The following ZBTB20 variants were observed in gnomAD, a reference collection of about 807,000 sequenced individuals.
ZBTB20 encodes the protein zinc finger and BTB domain containing 20, also known as zinc finger and BTB domain-containing protein 20.
Under a neutral mutation model 56.9 loss-of-function variants are expected in ZBTB20, and 9 were observed. That is an observed-to-expected ratio of 0.16 (90% confidence interval 0.10 to 0.28). The LOEUF (loss-of-function observed/expected upper bound fraction) is 0.28. Among genes scored for constraint, ZBTB20 ranks in the 10% least tolerant of loss-of-function variants. The pLI, the probability that ZBTB20 is intolerant of heterozygous loss-of-function variation, is 1.00. For missense variants in ZBTB20, 655 were observed against 1,003.0 expected (o/e 0.65, Z 4.69); for synonymous variants, 417 against 420.7 (o/e 0.99, Z 0.11).
chr3:115,110,139 G>A (rs1376234610), intron 1 of ZBTB20, among the ~76,000 whole-genome samples: 1 of 152,020 alleles, frequency 6.6e-6, no homozygotes, highest in Non-Finnish European at 1.5e-5. Flanking sequence ...TTGAACCCGG[G>A]AGGCGGAGGT....
At chr3:114,506,065 C>A (rs1222861370) in intron 6 of ZBTB20, among the ~76,000 whole-genome samples, 1 of 152,060 alleles carries the variant, frequency 6.6e-6, no homozygotes, top group African/African-American at 2.4e-5. Context: ...AGGACAGATT[C>A]TTGATGTATT....
chr3:115,093,984 A>G (rs2083290793), intron 1 of ZBTB20, among the ~76,000 whole-genome samples: 1 of 152,102 alleles, frequency 6.6e-6, no homozygotes, highest in Admixed American at 6.6e-5. Flanking sequence ...TTCTAAGTTT[A>G]GAAGCTTCAA....
intron 1 of ZBTB20, among the ~76,000 whole-genome samples, chr3:115,114,516 C>T (rs529721999): frequency 1.3e-5 from 2 of 151,998 alleles, no homozygotes; most frequent in African/African-American, 4.8e-5. Context: ...AGAGGTGTAG[C>T]GTTTTATTTT....
At chr3:114,455,347 G>A (rs1487337232) in intron 7 of ZBTB20, among the ~76,000 whole-genome samples, 2 of 152,194 alleles carry the variant, frequency 1.3e-5, no homozygotes, top group East Asian at 3.9e-4. Context: ...AATACTGCTC[G>A]TACTGACAAA....
intron 6 of ZBTB20, among the ~76,000 whole-genome samples, chr3:114,502,388 C>T (rs2044095302): frequency 6.6e-6 from 1 of 152,144 alleles, no homozygotes; most frequent in South Asian, 2.1e-4. Context: ...AATGATTTCC[C>T]TTTGTGGTCA....
At chr3:114,789,313 A>G (rs1313764834) in intron 5 of ZBTB20, among the ~76,000 whole-genome samples, 1 of 152,168 alleles carries the variant, frequency 6.6e-6, no homozygotes, top group Non-Finnish European at 1.5e-5. Context: ...CACTATCCAG[A>G]AAAATGGTTT....
chr3:114,369,225 C>T (rs2082733551), intron 10 of ZBTB20, among the ~76,000 whole-genome samples: 1 of 152,160 alleles, frequency 6.6e-6, no homozygotes, highest in Non-Finnish European at 1.5e-5. Context: ...TTGTAGTATT[C>T]TACATGCCAC....
At chr3:114,954,186 A>G (rs1158556745) in intron 3 of ZBTB20, among the ~76,000 whole-genome samples, 1 of 152,150 alleles carries the variant, frequency 6.6e-6, no homozygotes. Context: ...GTTAAGCTGA[A>G]TATTTGCTTT....
chr3:114,944,190 C>A (rs540706234), intron 3 of ZBTB20, among the ~76,000 whole-genome samples: 1 of 145,454 alleles, frequency 6.9e-6, no homozygotes, highest in Non-Finnish European at 1.5e-5. Context: ...ACACATTTCT[C>A]AGAAGAAGAC....
intron 5 of ZBTB20, among the ~76,000 whole-genome samples, chr3:114,745,752 A>G (rs145465753): frequency 6.6e-6 from 1 of 152,336 alleles, no homozygotes; most frequent in Non-Finnish European, 1.5e-5. Context: ...GAATAGGAAA[A>G]TGGAGAGAGA....
chr3:114,834,833 G>A (rs2074041119), intron 4 of ZBTB20, among the ~76,000 whole-genome samples: 2 of 151,988 alleles, frequency 1.3e-5, no homozygotes, highest in Admixed American at 6.6e-5. Flanking sequence ...TGAAAAGAAA[G>A]CCTGGATTTT....
intron 2 of ZBTB20, among the ~76,000 whole-genome samples, chr3:115,041,222 A>G (rs2081129597): frequency 6.6e-6 from 1 of 152,140 alleles, no homozygotes; most frequent in South Asian, 2.1e-4. Flanking sequence ...AAACTTCATA[A>G]AGTCATGTTA....
At chr3:115,075,694 A>G (rs2082570370) in intron 1 of ZBTB20, among the ~76,000 whole-genome samples, 1 of 152,200 alleles carries the variant, frequency 6.6e-6, no homozygotes, top group Non-Finnish European at 1.5e-5. Context: ...GAAAAAACTG[A>G]AAGCTATTCC....
intron 10 of ZBTB20, among the ~76,000 whole-genome samples, chr3:114,359,776 T>C (rs2081615624): frequency 6.6e-6 from 1 of 152,250 alleles, no homozygotes; most frequent in Middle Eastern, 3.2e-3. Flanking sequence ...AGGATCTGTA[T>C]ATTCAATTGT....
intron 4 of ZBTB20, among the ~76,000 whole-genome samples, chr3:114,865,739 G>C (rs1008130128): frequency 6.6e-6 from 1 of 152,080 alleles, no homozygotes; most frequent in African/African-American, 2.4e-5. Context: ...ATAACAACCA[G>C]TATAATTTGA....
intron 6 of ZBTB20, among the ~76,000 whole-genome samples, chr3:114,573,690 A>T (rs2053697291): frequency 6.6e-6 from 1 of 152,076 alleles, no homozygotes; most frequent in Non-Finnish European, 1.5e-5. Flanking sequence ...AGAAAAAGAA[A>T]TTATGAAATA....
chr3:115,131,717 T>C (rs1443213104), intron 1 of ZBTB20, among the ~76,000 whole-genome samples: 1 of 152,208 alleles, frequency 6.6e-6, no homozygotes, highest in Non-Finnish European at 1.5e-5. Context: ...CAAGACTGCA[T>C]TTTATAACAG....
chr3:114,707,470 T>G (rs2108415332), intron 5 of ZBTB20, among the ~76,000 whole-genome samples: 1 of 152,286 alleles, frequency 6.6e-6, no homozygotes, highest in South Asian at 2.1e-4. Context: ...ACTGGCAACC[T>G]TTCTGATTTT....
chr3:115,110,612 A>G (rs2083849874), intron 1 of ZBTB20, among the ~76,000 whole-genome samples: 1 of 152,228 alleles, frequency 6.6e-6, no homozygotes, highest in Non-Finnish European at 1.5e-5. Context: ...TTTATTTTAC[A>G]CTTATATTGG....
Sources: allele counts gnomAD v4.1 joint callset (sites outside exome capture counted in the v4.1 genomes callset), GRCh38; gene constraint gnomAD v4.1.1; transcripts MANE v1.5; gene names NCBI Gene and HGNC (gene_info 2026-07-23, HGNC 2026-07-21).